Variants in ATP10D observed in about 807,000 individuals in gnomAD.
The protein encoded by ATP10D is phospholipid-transporting ATPase VD.
In ATP10D, 89 loss-of-function variants were observed where a neutral mutation model predicts 144.8. The ratio of observed to expected loss-of-function variants is 0.61; its 90% CI spans 0.52 to 0.73. ATP10D has a LOEUF of 0.73. Ranked by LOEUF, ATP10D falls within the 30% of genes least tolerant of loss-of-function variation. The pLI, the probability that ATP10D is intolerant of heterozygous loss-of-function variation, is 0.00. For synonymous variants in ATP10D, 571 were observed against 615.1 expected (o/e 0.93, Z 1.06); for missense variants, 1,603 against 1,714.8 (o/e 0.93, Z 1.15).
intron 15 of ATP10D, among the ~76,000 whole-genome samples, chr4:47,564,772 G>A (rs1206912930): frequency 6.6e-6 from 1 of 152,088 alleles, no homozygotes; most frequent in African/African-American, 2.4e-5. Context: ...TCCCCTCCAA[G>A]ATTTGTGCAC....
At chr4:47,573,049 G>A (rs1347851419) in intron 18 of ATP10D, 52 bp downstream of exon 18, 6 of 1,591,790 alleles carry the variant, frequency 3.8e-6, no homozygotes, top group Non-Finnish European at 4.3e-6. Context: ...TTCCAAGACT[G>A]TTGCATCAGG....
At chr4:47,506,106 G>A (rs1352001190) in intron 1 of ATP10D, among the ~76,000 whole-genome samples, 11 of 152,106 alleles carry the variant, frequency 7.2e-5, no homozygotes, top group Non-Finnish European at 1.5e-5. Context: ...GTGATGGAGT[G>A]TAGTTTTTAA....
At chr4:47,589,142 A>T (rs1720917596) in intron 22 of ATP10D, among the ~76,000 whole-genome samples, 1 of 152,188 alleles carries the variant, frequency 6.6e-6, no homozygotes, top group African/African-American at 2.4e-5. Flanking sequence ...AAGAAATGTC[A>T]GAAGCCACCA....
chr4:47,489,555 G>T (rs1257132664), intron 1 of ATP10D, among the ~76,000 whole-genome samples: 1 of 152,100 alleles, frequency 6.6e-6, no homozygotes, highest in East Asian at 1.9e-4. Flanking sequence ...TTAGTTATCA[G>T]AGAAAACAAG....
intron 10 of ATP10D, chr4:47,547,189 C>G: frequency 3.3e-6 from 1 of 303,564 alleles, no homozygotes; most frequent in African/African-American, 2.1e-5. Context: ...TTAGAACCAG[C>G]AAAGCTTACC....
intron 5 of ATP10D, among the ~76,000 whole-genome samples, chr4:47,526,752 T>C (rs955246534): frequency 3.9e-5 from 6 of 152,132 alleles, no homozygotes; most frequent in African/African-American, 1.4e-4. Context: ...TTTTTAAACA[T>C]ACAATTTATT....
intron 1 of ATP10D, chr4:47,491,188 A>G (rs1363590032): frequency 8.0e-6 from 6 of 750,190 alleles, no homozygotes; most frequent in Non-Finnish European, 1.5e-5. Context: ...AATGTGCTCA[A>G]TATGCACATT....
At position 47,568,946 on chromosome 4, in the gene ATP10D, C is replaced by T; in HGVS notation, c.2963C>T (p.Pro988Leu). The stretch of plus-strand genomic sequence containing the variant: ...GAAGATTTACTTCAGCCTCCTGTCC[C>T]CCGGGACTCAGGGTTACGAGCTGGA... Reference protein sequence around the residue: ...LSEDLLQPPVPRDSGLRAGLI... With the variant: ...LSEDLLQPPVLRDSGLRAGLI... The change falls in exon 16 of 23, where the codon CCC becomes CTC. Residue 988 changes from proline to leucine, a missense_variant. Pro to Leu is a moderately conservative substitution (Grantham distance 98, BLOSUM62 -3). Coordinates refer to ENST00000273859, the MANE Select transcript of ATP10D (RefSeq NM_020453.4). 6.2e-7 allele frequency: 1 copy of T among 1,614,170 alleles called. No homozygotes were observed. Among genetic ancestry groups the T allele is most frequent in the Non-Finnish European group, 8.5e-7 (1 of 1,180,038 alleles).
chr4:47,489,994 A>G (rs916488383), intron 1 of ATP10D, among the ~76,000 whole-genome samples: 1 of 152,216 alleles, frequency 6.6e-6, no homozygotes, highest in Non-Finnish European at 1.5e-5. Flanking sequence ...ACAAGGTTTT[A>G]ACTCTTTAGG....
intron 9 of ATP10D, among the ~76,000 whole-genome samples, chr4:47,546,403 G>A (rs994263459): frequency 9.2e-5 from 14 of 152,090 alleles, no homozygotes; most frequent in African/African-American, 3.1e-4. Context: ...CAGATAAGTA[G>A]GTAGATTTGA....
At chr4:47,558,374 G>T in intron 12 of ATP10D, 101 bp downstream of exon 12, 1 of 1,452,280 alleles carries the variant, frequency 6.9e-7, no homozygotes, top group Admixed American at 2.1e-5. Context: ...GCTATCTGGG[G>T]ACTAATCACA....
chr4:47,580,319 G>GT (rs1209156492), intron 19 of ATP10D, 79 bp from the exon 20 acceptor site: 10 of 1,121,268 alleles, frequency 8.9e-6, no homozygotes, highest in Middle Eastern at 2.0e-4. Flanking sequence ...AGAAACAAAT[G>GT]TAAGTACTGG....
In ATP10D at chr4:47,563,695, T is replaced by A; in HGVS notation, c.2783T>A (p.Val928Asp). Reference protein sequence around the residue: ...MLTGDKQETAVNIAYACKLLE... With the variant: ...MLTGDKQETADNIAYACKLLE... ...ACAGGGGACAAGCAGGAGACAGCTG[T>A]CAACATAGCTTATGCATGCAAACTA... is the stretch of plus-strand genomic sequence containing the variant. Residue 928 changes from valine to aspartate, a missense_variant, in exon 15 of 23, where the codon GTC (valine) becomes GAC (aspartate). Val to Asp is a radical substitution (Grantham distance 152). Coordinates refer to ENST00000273859, the MANE Select transcript of ATP10D (RefSeq NM_020453.4). The A allele has an allele frequency of 1.2e-6, 2 of 1,613,952 alleles. No homozygotes were observed. The highest frequency in any genetic ancestry group is 1.7e-6 in the Non-Finnish European group (2 of 1,179,980).
At chr4:47,576,080 C>T (rs989564298) in intron 18 of ATP10D, among the ~76,000 whole-genome samples, 3 of 151,198 alleles carry the variant, frequency 2.0e-5, no homozygotes, top group Non-Finnish European at 4.4e-5. Context: ...TACAGGCGCC[C>T]GCCACTACGC....
At chr4:47,506,588 T>C (rs1429770004) in intron 1 of ATP10D, among the ~76,000 whole-genome samples, 5 of 152,182 alleles carry the variant, frequency 3.3e-5, no homozygotes, top group Non-Finnish European at 5.9e-5. Flanking sequence ...AGTAATACAT[T>C]TTCCTTCCAA....
chr4:47,566,467 T>C (rs1407536554), intron 15 of ATP10D, among the ~76,000 whole-genome samples: 1 of 152,174 alleles, frequency 6.6e-6, no homozygotes, highest in Non-Finnish European at 1.5e-5. Flanking sequence ...ACAAAAAGGC[T>C]TTCCATACCT....
At chr4:47,496,966 T>C (rs896316508) in intron 1 of ATP10D, among the ~76,000 whole-genome samples, 3 of 152,066 alleles carry the variant, frequency 2.0e-5, no homozygotes, top group Non-Finnish European at 4.4e-5. Context: ...CTCAGCCTCC[T>C]GAGTAGCTGT....
chr4:47,491,291 G>A (rs947691899), intron 1 of ATP10D: 28 of 891,056 alleles, frequency 3.1e-5, no homozygotes, highest in African/African-American at 4.9e-5. Context: ...TTTTGCCATG[G>A]TAACACTGGT....
intron 18 of ATP10D, among the ~76,000 whole-genome samples, chr4:47,575,220 A>G (rs1386775238): frequency 6.6e-6 from 1 of 152,128 alleles, no homozygotes; most frequent in Non-Finnish European, 1.5e-5. Flanking sequence ...TAGGGCAATG[A>G]CCTAAAGGCA....
Sources: allele counts gnomAD v4.1 joint callset (sites outside exome capture counted in the v4.1 genomes callset), GRCh38; gene constraint gnomAD v4.1.1; transcripts MANE v1.5; gene names NCBI Gene and HGNC (gene_info 2026-07-23, HGNC 2026-07-21).